Variants in TAB2 observed in about 807,000 individuals in gnomAD.
TAB2 encodes the protein TGF-beta activated kinase 1 (MAP3K7) binding protein 2.
A neutral mutation model predicts 65.0 loss-of-function variants in TAB2; 3 were observed. The ratio of observed to expected loss-of-function variants is 0.05; its 90% CI spans 0.02 to 0.12. TAB2 has a LOEUF of 0.12. Among genes scored for constraint, TAB2 ranks in the 10% least tolerant of loss-of-function variants. The pLI is 1.00. For missense variants in TAB2, 623 were observed against 840.3 expected (o/e 0.74, Z 3.20); for synonymous variants, 298 against 285.1 (o/e 1.05, Z -0.46).
At chr6:149,317,373 G>A (rs1305050423), upstream of TAB2, among the ~76,000 whole-genome samples, 1 of 151,564 alleles carries the variant, frequency 6.6e-6, no homozygotes, top group Non-Finnish European at 1.5e-5. The surrounding 1 kb of genome is among the most constrained non-coding windows in gnomAD (Gnocchi z 4.7). Flanking sequence ...AGTGTCGGGG[G>A]AGGGGTACAG....
chr6:149,260,480 A>G (rs748871626), intron 1 of TAB2, among the ~76,000 whole-genome samples: 26 of 152,334 alleles, frequency 1.7e-4, no homozygotes, highest in Admixed American at 4.6e-4. Flanking sequence ...TGCTCCCTTC[A>G]TGTCTCCGGA....
At chr6:149,264,036 G>T (rs913945312) in intron 1 of TAB2, among the ~76,000 whole-genome samples, 1 of 152,222 alleles carries the variant, frequency 6.6e-6, no homozygotes, top group African/African-American at 2.4e-5. Context: ...TGCCTATTCT[G>T]CATGCCCATC....
At chr6:149,237,719 A>G (rs924172747) in intron 1 of TAB2, among the ~76,000 whole-genome samples, 1 of 152,042 alleles carries the variant, frequency 6.6e-6, no homozygotes, top group African/African-American at 2.4e-5. Context: ...CCCACACCTA[A>G]CGGCATCACT....
intron 1 of TAB2, among the ~76,000 whole-genome samples, chr6:149,237,999 G>A (rs1777532248): frequency 6.6e-6 from 1 of 152,142 alleles, no homozygotes; most frequent in South Asian, 2.1e-4. Context: ...ATAGCACTTT[G>A]TTCCTTTTTC....
At chr6:149,314,749 C>A (rs1455802980), upstream of TAB2, among the ~76,000 whole-genome samples, 3 of 152,102 alleles carry the variant, frequency 2.0e-5, no homozygotes, top group African/African-American at 7.2e-5. Flanking sequence ...AACTGGAAGT[C>A]TGAATTTTAA....
intron 1 of TAB2, among the ~76,000 whole-genome samples, chr6:149,331,667 T>C (rs1335063272): frequency 2.6e-5 from 4 of 152,206 alleles, no homozygotes; most frequent in Admixed American, 2.0e-4. Flanking sequence ...TGTAGGTTTT[T>C]TGTAGATGCT....
At chr6:149,351,080 C>T (rs529378284) in intron 1 of TAB2, among the ~76,000 whole-genome samples, 3 of 152,182 alleles carry the variant, frequency 2.0e-5, no homozygotes, top group East Asian at 3.9e-4. Context: ...TGCCTTACTT[C>T]TTTTATACTT....
rs1781434012 is a variant in TAB2, at chr6:149,377,247, A to G, written c.103-771A>G. 1.3e-5 allele frequency among the ~76,000 whole-genome samples: 2 copies of G among 150,362 alleles called. 1 individual carries two copies. Among genetic ancestry groups the G allele is most frequent in the Admixed American group, 1.3e-4 (2 of 15,126 alleles). On this transcript the variant is annotated intron_variant, in intron 2 of 6. Coordinates refer to ENST00000637181, the MANE Select transcript of TAB2 (RefSeq NM_001292034.3). ...CACCACGCCCGGCTAATTTTTTTTT[A>G]TTTTTAGTAGAGACGGGATTTCACC... is the stretch of plus-strand genomic sequence containing the variant.
At chr6:149,310,925 A>G (rs1416793763) in intron 1 of TAB2, among the ~76,000 whole-genome samples, 1 of 152,164 alleles carries the variant, frequency 6.6e-6, no homozygotes, top group Non-Finnish European at 1.5e-5. Context: ...TACCATGGAA[A>G]TTGATCTTGC....
chr6:149,402,250 C>A (rs1782454533), intron 6 of TAB2, among the ~76,000 whole-genome samples: 1 of 151,240 alleles, frequency 6.6e-6, no homozygotes, highest in Non-Finnish European at 1.5e-5. Context: ...ACAACAGATG[C>A]CTCAGAAATA....
In TAB2 at chr6:149,397,714, C is replaced by A. The variant is rs1562452444; in HGVS notation, c.1714C>A (p.Leu572Ile). 1.9e-6 allele frequency: 3 copies of A among 1,613,986 alleles called. No homozygotes were observed. The highest frequency in any genetic ancestry group is 2.5e-6 in the Non-Finnish European group (3 of 1,179,986). Residue 572 changes from leucine to isoleucine, a missense_variant, in exon 4 of 7, where the codon CTA (leucine) becomes ATA (isoleucine). Transcript: ENST00000637181. ...KSEVNEMENNLTRRRLKRSNS... is the reference protein window; with the variant it reads ...KSEVNEMENNITRRRLKRSNS... ...TGAGGTTAATGAAATGGAAAATAAT[C>A]TAACTCGAAGGCGCCTGAAAAGATC...
chr6:149,281,301 A>C lies in TAB2; in HGVS notation c.-121+62525A>C, dbSNP rs559398475. Among the ~76,000 whole-genome samples the C allele has an allele frequency of 1.8e-4, 27 of 152,252 alleles. No individual in the cohort carries two copies. The East Asian group carries it at 5.0e-3, about 28-fold the overall frequency. On this transcript the variant is annotated intron_variant, in intron 1 of 1. Coordinates refer to the TAB2 transcript ENST00000606202. ...CTTATACTCCATGCGAACTGGTACG[A>C]TATCCCTTGAAAGTAGACTGAGCAG... is the stretch of plus-strand genomic sequence containing the variant.
intron 2 of TAB2, among the ~76,000 whole-genome samples, chr6:149,374,160 C>T (rs1029665935): frequency 2.6e-5 from 4 of 152,086 alleles, no homozygotes; most frequent in Non-Finnish European, 5.9e-5. Flanking sequence ...AGAATGTAAC[C>T]AAATAGTTGA....
At chr6:149,401,805 G>GT (rs1277980123) in intron 6 of TAB2, among the ~76,000 whole-genome samples, 2 of 151,868 alleles carry the variant, frequency 1.3e-5, no homozygotes, top group African/African-American at 2.4e-5. Context: ...CTAGAAATCA[G>GT]TAACAGCAAG....
intron 1 of TAB2, among the ~76,000 whole-genome samples, chr6:149,364,238 A>G (rs1431159407): frequency 6.6e-6 from 1 of 151,818 alleles, no homozygotes; most frequent in African/African-American, 2.4e-5. Flanking sequence ...CACCTTTCCT[A>G]CCTCTGAGCT....
At position 149,409,838 on chromosome 6, in the gene TAB2, G is replaced by A. The variant is rs1177054453; in HGVS notation, c.*119G>A. The A allele has an allele frequency of 2.6e-6, 3 of 1,148,714 alleles. No homozygotes were observed. In the Admixed American group the frequency reaches 5.3e-5, roughly 20 times the overall value. 71.2% of individuals were successfully genotyped at this position (1,148,714 alleles called of 1,614,324 possible). ...GTCAAATTGAAGGTGTGACAAGATGGTGTTCTGCTAATGTTAAATGTCAGC... is the reference window on the plus strand; with the variant it reads ...GTCAAATTGAAGGTGTGACAAGATGATGTTCTGCTAATGTTAAATGTCAGC... On this transcript the variant is annotated 3_prime_UTR_variant, in exon 7 of 7. Coordinates refer to ENST00000637181, the MANE Select transcript of TAB2 (RefSeq NM_001292034.3).
chr6:149,285,576 C>T (rs146721447), intron 1 of TAB2, among the ~76,000 whole-genome samples: 1 of 152,320 alleles, frequency 6.6e-6, no homozygotes, highest in Non-Finnish European at 1.5e-5. Context: ...GGTTCTGAAA[C>T]TTGTGTGATA....
chr6:149,288,216 T>C (rs1778712592), intron 1 of TAB2, among the ~76,000 whole-genome samples: 2 of 152,198 alleles, frequency 1.3e-5, no homozygotes, highest in Admixed American at 6.5e-5. Flanking sequence ...ATGGTCCTTG[T>C]GTCACTCAGT....
At chr6:149,314,688 T>C (rs902516643), upstream of TAB2, among the ~76,000 whole-genome samples, 1 of 152,162 alleles carries the variant, frequency 6.6e-6, no homozygotes, top group African/African-American at 2.4e-5. Flanking sequence ...CCCTGTTCCA[T>C]AGAACAGATG....
Sources: allele counts gnomAD v4.1 joint callset (sites outside exome capture counted in the v4.1 genomes callset), GRCh38; gene constraint gnomAD v4.1.1; non-coding constraint Gnocchi (gnomAD v3.1); transcripts MANE v1.5; gene names NCBI Gene and HGNC (gene_info 2026-07-23, HGNC 2026-07-21).